The following RTTN variants were observed in gnomAD, a reference collection of about 807,000 sequenced individuals.
The protein encoded by RTTN is rotatin.
In RTTN, 182 loss-of-function variants were observed where a neutral mutation model predicts 269.2. That is an observed-to-expected ratio of 0.68 (90% CI 0.60 to 0.76). RTTN has a LOEUF of 0.76. Ranked by LOEUF, RTTN falls within the 30% of genes least tolerant of loss-of-function variation. The probability of loss-of-function intolerance (pLI) is 0.00; values close to 1 mark genes in which losing one functional copy is unlikely to be tolerated. For missense variants in RTTN, 2,545 were observed against 2,608.6 expected (o/e 0.98, Z 0.53); for synonymous variants, 1,006 against 963.5 (o/e 1.04, Z -0.82).
chr18:70,008,030 GC>G, intron 46 of RTTN: 1 of 156,120 alleles, frequency 6.4e-6, no homozygotes, highest in Non-Finnish European at 1.4e-5. Flanking sequence ...TCTGGGGGGT[GC>G]CCTCTGGGAT....
intron 40 of RTTN, among the ~76,000 whole-genome samples, chr18:70,034,454 A>G (rs1599197211): frequency 6.6e-6 from 1 of 152,184 alleles, no homozygotes; most frequent in East Asian, 1.9e-4. Context: ...AACAAAAATA[A>G]CACGATTATC....
chr18:70,147,058 C>T (rs1040026562), intron 17 of RTTN, among the ~76,000 whole-genome samples: 1 of 152,192 alleles, frequency 6.6e-6, no homozygotes, highest in African/African-American at 2.4e-5. Flanking sequence ...GCAAAGGTGG[C>T]TAGAGATGAG....
intron 26 of RTTN, among the ~76,000 whole-genome samples, chr18:70,119,399 G>A (rs1196848616): frequency 2.0e-5 from 3 of 151,960 alleles, no homozygotes; most frequent in South Asian, 2.1e-4. Context: ...CAAGTTGCAG[G>A]TACCAGAATG....
intron 9 of RTTN, among the ~76,000 whole-genome samples, chr18:70,188,626 T>A (rs1458290607): frequency 6.6e-6 from 1 of 152,250 alleles, no homozygotes; most frequent in Non-Finnish European, 1.5e-5. Flanking sequence ...AGCCTTCTCA[T>A]AAATTAGTAT....
chr18:70,012,949 T>A (rs2056433810), intron 46 of RTTN, among the ~76,000 whole-genome samples: 1 of 152,144 alleles, frequency 6.6e-6, no homozygotes, highest in Non-Finnish European at 1.5e-5. Flanking sequence ...TTTAAATATT[T>A]AACAAAAACA....
chr18:70,084,685 A>T (rs999014467), intron 32 of RTTN, among the ~76,000 whole-genome samples: 2 of 152,006 alleles, frequency 1.3e-5, no homozygotes, highest in African/African-American at 4.8e-5. Flanking sequence ...AGCATACAAG[A>T]TTGTCCTTAT....
At chr18:70,062,271 T>C (rs2058009924) in intron 35 of RTTN, among the ~76,000 whole-genome samples, 1 of 152,202 alleles carries the variant, frequency 6.6e-6, no homozygotes, top group African/African-American at 2.4e-5. Context: ...AAGTAAAACA[T>C]ACATGGTTAT....
intron 12 of RTTN, among the ~76,000 whole-genome samples, chr18:70,168,523 GT>G (rs2061051575): frequency 6.6e-6 from 1 of 151,996 alleles, no homozygotes; most frequent in Non-Finnish European, 1.5e-5. Flanking sequence ...TATAATTTTG[GT>G]TACATCAACT....
intron 4 of RTTN, among the ~76,000 whole-genome samples, chr18:70,201,595 G>T (rs1469601980): frequency 1.9e-5 from 2 of 103,056 alleles, no homozygotes; most frequent in Non-Finnish European, 1.8e-5. Context: ...GCGACAGAGC[G>T]AGACTCCATC....
At chr18:70,027,190 T>C (rs977407976) in intron 43 of RTTN, among the ~76,000 whole-genome samples, 1 of 152,200 alleles carries the variant, frequency 6.6e-6, no homozygotes, top group African/African-American at 2.4e-5. Context: ...ACAGCCACCA[T>C]GCTCCTTCCA....
rs921083209 is a variant in RTTN at position 70,003,914 on chromosome 18, C to T, written c.*237G>A. 8.9e-5 allele frequency: 31 copies of T among 348,414 alleles called. No individual in the cohort carries two copies. The highest frequency in any genetic ancestry group is 1.8e-4 in the Admixed American group (4 of 21,632). The allele number at this position is 348,414 out of a possible 1,614,324, so 21.6% of individuals were successfully genotyped here. A position where few individuals can be genotyped will look rare whatever the true frequency, so the allele number is the denominator to read the frequency against. ...GTTTATGTTCCCAGAACTTTCTATG[C>T]CTTTTCAACAGAAAGGAAAAGGCAC... On this transcript the variant is annotated 3_prime_UTR_variant, in exon 49 of 49. Coordinates refer to ENST00000640769, the MANE Select transcript of RTTN (RefSeq NM_173630.4).
chr18:70,175,716 G>A (rs1022230705), intron 11 of RTTN, among the ~76,000 whole-genome samples: 4 of 150,928 alleles, frequency 2.7e-5, no homozygotes, highest in African/African-American at 9.7e-5. Context: ...CAAGAAATAG[G>A]ACAGTCCTCA....
intron 38 of RTTN, among the ~76,000 whole-genome samples, chr18:70,052,316 C>T (rs73964483): frequency 0.017 from 2,521 of 152,256 alleles, 72 homozygotes; most frequent in African/African-American, 0.057. Context: ...TGCACCTTCC[C>T]CAGGGCAATC....
intron 19 of RTTN, among the ~76,000 whole-genome samples, chr18:70,140,920 A>G (rs1246407715): frequency 6.6e-6 from 1 of 152,134 alleles, no homozygotes; most frequent in Non-Finnish European, 1.5e-5. Flanking sequence ...GGAAAAACAC[A>G]TACACTCACA....
intron 14 of RTTN, among the ~76,000 whole-genome samples, chr18:70,162,634 C>T (rs1357986397): frequency 6.6e-6 from 1 of 152,000 alleles, no homozygotes; most frequent in Non-Finnish European, 1.5e-5. Context: ...AAACTGCCCC[C>T]ATGATTCCAA....
chr18:70,141,093 C>CT (rs1043175469), intron 19 of RTTN, among the ~76,000 whole-genome samples: 11 of 151,912 alleles, frequency 7.2e-5, no homozygotes, highest in Admixed American at 5.2e-4. Flanking sequence ...TTTTCTTGAT[C>CT]TTTTTTTTAA....
chr18:70,196,219 C>T lies in RTTN; in HGVS notation c.841+282G>A, dbSNP rs539990996. Reference sequence around the variant, plus strand: ...GCCATACCAAATATCCGAGTCACTACATCCCAACAACACTATATAGAATCT... The same window carrying T: ...GCCATACCAAATATCCGAGTCACTATATCCCAACAACACTATATAGAATCT... On this transcript the variant is annotated intron_variant, in intron 7 of 48. Transcript: ENST00000640769. Among the ~76,000 whole-genome samples, 7 of 151,854 alleles carry T rather than the reference C, an allele frequency of 4.6e-5. No individual in the cohort carries two copies. In the East Asian group the frequency reaches 1.2e-3, roughly 25 times the overall value.
intron 5 of RTTN, among the ~76,000 whole-genome samples, chr18:70,199,147 T>C (rs191185889): frequency 2.0e-5 from 3 of 152,074 alleles, no homozygotes; most frequent in Admixed American, 1.3e-4. Context: ...GATGGTGCCA[T>C]TGCACTCCAG....
intron 37 of RTTN, among the ~76,000 whole-genome samples, chr18:70,056,288 A>T (rs992569315): frequency 2.6e-5 from 4 of 152,194 alleles, no homozygotes; most frequent in African/African-American, 9.7e-5. Context: ...CAGCTGGTGC[A>T]GTGGTTAAGA....
Sources: allele counts gnomAD v4.1 joint callset (sites outside exome capture counted in the v4.1 genomes callset), GRCh38; gene constraint gnomAD v4.1.1; transcripts MANE v1.5; gene names NCBI Gene and HGNC (gene_info 2026-07-23, HGNC 2026-07-21).